Variants in ARFGEF3 observed in about 807,000 individuals in gnomAD.
ARFGEF3 encodes ARFGEF family member 3.
A neutral mutation model predicts 221.7 loss-of-function variants in ARFGEF3; 96 were observed. That is an observed-to-expected ratio of 0.43 (90% CI 0.37 to 0.51). The LOEUF is 0.51. Among genes scored for constraint, ARFGEF3 ranks in the 20% least tolerant of loss-of-function variants. The probability of loss-of-function intolerance (pLI) is 0.00; values close to 1 mark genes in which losing one functional copy is unlikely to be tolerated. For synonymous variants in ARFGEF3, 1,145 were observed against 1,126.8 expected (o/e 1.02, Z -0.32); for missense variants, 2,410 against 2,789.9 (o/e 0.86, Z 3.07).
At chr6:138,247,343 G>A (rs1315268712) in intron 8 of ARFGEF3, among the ~76,000 whole-genome samples, 1 of 152,126 alleles carries the variant, frequency 6.6e-6, no homozygotes, top group Admixed American at 6.5e-5. Context: ...TGCTTTGCTT[G>A]GGACAGTCCC....
intron 4 of ARFGEF3, among the ~76,000 whole-genome samples, chr6:138,212,129 A>G (rs1382217574): frequency 6.6e-6 from 1 of 152,256 alleles, no homozygotes; most frequent in East Asian, 1.9e-4. Flanking sequence ...TGAAGTCTGT[A>G]TACATTGTGG....
intron 4 of ARFGEF3, among the ~76,000 whole-genome samples, 166 bp from the exon 5 acceptor site, chr6:138,229,618 T>C (rs1778153204): frequency 6.6e-6 from 1 of 152,180 alleles, no homozygotes; most frequent in Admixed American, 6.5e-5. Flanking sequence ...TTAGGCAACA[T>C]GTGGCCACTA....
intron 15 of ARFGEF3, among the ~76,000 whole-genome samples, chr6:138,286,383 G>A (rs1583049702): frequency 1.3e-5 from 2 of 150,902 alleles, no homozygotes; most frequent in Non-Finnish European, 2.9e-5. Flanking sequence ...CCGGGAGGCG[G>A]AGCTTTCAGT....
At chr6:138,216,519 G>A (rs1777863649) in intron 4 of ARFGEF3, 1 of 152,134 alleles carries the variant, frequency 6.6e-6, no homozygotes, top group South Asian at 2.1e-4. Flanking sequence ...GTCCCCTCTC[G>A]GTAATGTTTT....
chr6:138,334,937 AAG>A lies in ARFGEF3; in HGVS notation c.6094_6095del (p.Arg2032GlufsTer142). The A allele has an allele frequency of 6.3e-7, 1 of 1,589,506 alleles. No homozygotes were observed. The highest frequency in any genetic ancestry group is 1.7e-4 in the Middle Eastern group (1 of 6,038). ...TISKLMTEYK[K>X]RKQQHNLSAF... The stretch of plus-strand genomic sequence containing the variant: ...TTCAAAGTTGATGACCGAATACAAA[AAG>A]AGGAAACAGCAGCACAACCTGTCCG... On this transcript the variant is annotated frameshift_variant, in exon 33 of 34. Coordinates refer to ENST00000251691, the MANE Select transcript of ARFGEF3 (RefSeq NM_020340.5). LOFTEE classifies it high-confidence loss of function. This position sits in a 1 kb window ranked among gnomAD's most constrained non-coding sequence, Gnocchi z 5.1.
At position 138,336,717 on chromosome 6, in the gene ARFGEF3, G is replaced by A; in HGVS notation, c.*231G>A. 1 of 361,462 alleles carries A rather than the reference G, an allele frequency of 2.8e-6. No individual in the cohort carries two copies. The highest frequency in any genetic ancestry group is 4.9e-6 in the Non-Finnish European group (1 of 203,188). The allele number at this position is 361,462 out of a possible 1,614,324, so 22.4% of individuals were successfully genotyped here. A position where few individuals can be genotyped will look rare whatever the true frequency, so the allele number is the denominator to read the frequency against. On this transcript the variant is annotated 3_prime_UTR_variant, in exon 34 of 34. Transcript: ENST00000251691. ...TATTCTGATTTTGCACATTATTATA[G>A]AAGAATCTATAATCCTTGATATGTT...
At chr6:138,193,441 A>G (rs1777349016) in intron 2 of ARFGEF3, among the ~76,000 whole-genome samples, 1 of 152,170 alleles carries the variant, frequency 6.6e-6, no homozygotes, top group African/African-American at 2.4e-5. Flanking sequence ...CCTCTAGACT[A>G]TGGGTTCCAT....
intron 2 of ARFGEF3, among the ~76,000 whole-genome samples, chr6:138,206,125 G>A (rs1436204619): frequency 6.6e-6 from 1 of 152,170 alleles, no homozygotes; most frequent in African/African-American, 2.4e-5. Context: ...TTTAAGTGGG[G>A]GTGGAGAAAC....
intron 2 of ARFGEF3, among the ~76,000 whole-genome samples, chr6:138,171,592 C>T (rs1477257089): frequency 6.6e-6 from 1 of 152,018 alleles, no homozygotes; most frequent in Non-Finnish European, 1.5e-5. Flanking sequence ...ATGCCTGCCT[C>T]TGTAGAAAAA....
chr6:138,201,990 A>G (rs932916838), intron 2 of ARFGEF3, among the ~76,000 whole-genome samples: 3 of 152,250 alleles, frequency 2.0e-5, no homozygotes, highest in Non-Finnish European at 4.4e-5. Flanking sequence ...AAATAGGTTC[A>G]GTCTCCTTGA....
At chr6:138,318,166 C>T (rs1218802456) in intron 27 of ARFGEF3, among the ~76,000 whole-genome samples, 1 of 152,086 alleles carries the variant, frequency 6.6e-6, no homozygotes. Flanking sequence ...TTAAAAAACA[C>T]CATAGATACT....
intron 32 of ARFGEF3, among the ~76,000 whole-genome samples, chr6:138,332,825 TGACAGTCCTTTGTTACTCATTTCA>T (rs1161247061): frequency 6.6e-6 from 1 of 152,248 alleles, no homozygotes; most frequent in Non-Finnish European, 1.5e-5. Flanking sequence ...TGTTTTCGAA[TGACAGTCCTTTGTTACTCATTTCA>T]TCTTGAGAGT....
intron 4 of ARFGEF3, chr6:138,217,317 T>C (rs1012354946): frequency 6.6e-6 from 1 of 152,186 alleles, no homozygotes; most frequent in African/African-American, 2.4e-5. Flanking sequence ...AATGGGAAAG[T>C]TCTCTGATTT....
intron 3 of ARFGEF3, among the ~76,000 whole-genome samples, chr6:138,208,979 G>A (rs1777671103): frequency 6.6e-6 from 1 of 152,092 alleles, no homozygotes; most frequent in Non-Finnish European, 1.5e-5. Flanking sequence ...GAAGTTGTGG[G>A]CAGGTGGATT....
At chr6:138,248,154 T>C (rs1778518473) in intron 8 of ARFGEF3, among the ~76,000 whole-genome samples, 3 of 152,176 alleles carry the variant, frequency 2.0e-5, no homozygotes, top group African/African-American at 7.2e-5. Context: ...GAGTCAGTCA[T>C]AGGGGAGAGG....
intron 4 of ARFGEF3, among the ~76,000 whole-genome samples, chr6:138,213,326 T>C (rs938401315): frequency 2.7e-5 from 4 of 150,016 alleles, no homozygotes; most frequent in African/African-American, 9.8e-5. Context: ...GCATTGGTGG[T>C]GTGAGCCTGT....
Position 138,342,297 on chromosome 6 carries a change from A to G in ARFGEF3, c.*5811A>G, listed in dbSNP as rs1309190868. The G allele has an allele frequency of 1.3e-5, 2 of 152,210 alleles. No individual in the cohort carries two copies. The highest frequency in any genetic ancestry group is 4.8e-5 in the African/African-American group (2 of 41,454). The allele number at this position is 152,210 out of a possible 1,614,324, so 9.4% of individuals were successfully genotyped here. On this transcript the variant is annotated 3_prime_UTR_variant, in exon 34 of 34. Coordinates refer to ENST00000251691, the MANE Select transcript of ARFGEF3 (RefSeq NM_020340.5). The stretch of plus-strand genomic sequence containing the variant: ...GGCCAATACTGCTGTTTTGGGAACT[A>G]TGCTTTGAGAACCACTGCCTTGAAA...
chr6:138,171,252 G>A (rs763949741), intron 2 of ARFGEF3, among the ~76,000 whole-genome samples: 5 of 151,720 alleles, frequency 3.3e-5, no homozygotes, highest in Non-Finnish European at 5.9e-5. Context: ...GAACCTGATT[G>A]CATTCGCTCC....
chr6:138,201,005 G>A (rs1408862004), intron 2 of ARFGEF3, among the ~76,000 whole-genome samples: 1 of 152,024 alleles, frequency 6.6e-6, no homozygotes. Context: ...TGAAAAAGTG[G>A]GCTAAGGACA....
Sources: gnomAD v4.1 joint callset for allele counts (sites outside exome capture counted in the v4.1 genomes callset) on GRCh38, gnomAD v4.1.1 for gene constraint, Gnocchi (gnomAD v3.1) non-coding constraint, MANE v1.5 for transcripts, NCBI Gene and HGNC (gene_info 2026-07-23, HGNC 2026-07-21) for gene names.